The following KIF22 variants were observed in gnomAD, a reference collection of about 807,000 sequenced individuals.
KIF22 encodes the protein kinesin-like protein KIF22.
In KIF22, 62 loss-of-function variants were observed where a neutral mutation model predicts 73.0. That is an observed-to-expected ratio of 0.85 (90% confidence interval 0.69 to 1.05). The LOEUF (loss-of-function observed/expected upper bound fraction) is 1.05, where lower values mean the gene tolerates loss of function less well. Ranked by LOEUF, KIF22 falls within the 50% of genes least tolerant of loss-of-function variation. The pLI, the probability that KIF22 is intolerant of heterozygous loss-of-function variation, is 0.00. For missense variants in KIF22, 854 were observed against 870.1 expected (o/e 0.98, Z 0.23); for synonymous variants, 411 against 340.1 (o/e 1.21, Z -2.29).
Position 29,804,979 on chromosome 16 carries a change from GC to G in KIF22, c.1846del (p.Gln616SerfsTer2). 1 of 1,554,254 alleles carries G rather than the reference GC, an allele frequency of 6.4e-7. No homozygotes were observed. The highest frequency in any genetic ancestry group is 8.7e-7 in the Non-Finnish European group (1 of 1,144,600). On this transcript the variant is annotated frameshift_variant, in exon 12 of 14. Transcript: ENST00000160827. LOFTEE classifies it high-confidence loss of function. ...RSLQRIGPKK[A>X]QLIVGWRELH... ...TCTTCAGCGCATTGGCCCGAAGAAG[GC>G]CCAGCTAATCGTGGGCTGGCGGGAG... is the stretch of plus-strand genomic sequence containing the variant.
Position 29,799,274 on chromosome 16 carries a change from G to A in KIF22, c.770G>A (p.Arg257Gln), listed in dbSNP as rs765346261. ...TGTTCTTACCCCCAGGTGGACCAGC[G>A]GGAACGTTTGGCCCCATTTCGCCAG... ...HAVLLVKVDQRERLAPFRQRE... is the reference protein window; with the variant it reads ...HAVLLVKVDQQERLAPFRQRE... The change falls in exon 6 of 14, where the codon CGG (arginine) becomes CAG (glutamine). Residue 257 changes from arginine (R) to glutamine (Q), a missense_variant. Physicochemically the swap from Arg to Gln is conservative, Grantham distance 43 (BLOSUM62 1). Coordinates refer to ENST00000160827, the MANE Select transcript of KIF22 (RefSeq NM_007317.3). The A allele has an allele frequency of 1.6e-4, 263 of 1,613,650 alleles. 4 individuals are homozygous for A. The Middle Eastern group carries it at 2.6e-3, about 16-fold the overall frequency.
Position 29,800,012 on chromosome 16 carries a change from C to G in KIF22, c.1244C>G (p.Pro415Arg). 1.9e-6 allele frequency: 3 copies of G among 1,613,684 alleles called. No homozygotes were observed. The highest frequency in any genetic ancestry group is 2.5e-6 in the Non-Finnish European group (3 of 1,180,028). ...PEEEEIGSPE[P>R]MAAPASASQK... ...GAAGAGGAGATCGGGAGCCCTGAGCCCATGGCAGCTCCAGCCTCTGCCTCC... is the reference window on the plus strand; with the variant it reads ...GAAGAGGAGATCGGGAGCCCTGAGCGCATGGCAGCTCCAGCCTCTGCCTCC... The change falls in exon 8 of 14, where the codon CCC (proline) becomes CGC (arginine). Residue 415 changes from proline (P) to arginine (R), a missense_variant. Physicochemically the swap from Pro to Arg is moderately radical, Grantham distance 103. Transcript: ENST00000160827.
chr16:29,804,772 C>T, intron 11 of KIF22, 42 bp from the exon 12 acceptor site: 1 of 1,511,562 alleles, frequency 6.6e-7, no homozygotes, highest in Non-Finnish European at 9.0e-7. Flanking sequence ...GCCCAAAGCA[C>T]TTGGCTGCCC....
At chr16:29,794,190 A>G (rs1898892816) in intron 1 of KIF22, among the ~76,000 whole-genome samples, 1 of 152,192 alleles carries the variant, frequency 6.6e-6, no homozygotes, top group Admixed American at 6.5e-5. Context: ...AGCACTTTGG[A>G]GTTAGATCTT....
intron 11 of KIF22, chr16:29,804,593 T>G: frequency 1.4e-6 from 1 of 693,286 alleles, no homozygotes; most frequent in Non-Finnish European, 2.6e-6. Context: ...ATGAGAAGGG[T>G]GCTAATATTA....
chr16:29,794,587 CTTTT>C (rs1045911260), intron 1 of KIF22, among the ~76,000 whole-genome samples: 3 of 150,042 alleles, frequency 2.0e-5, no homozygotes, highest in Non-Finnish European at 4.5e-5. Context: ...TTTCAATTAT[CTTTT>C]TTTTTTCTGA....
At chr16:29,804,647 TAAG>T (rs1899285612) in intron 11 of KIF22, 164 bp from the exon 12 acceptor site, 1 of 704,420 alleles carries the variant, frequency 1.4e-6, no homozygotes, top group Non-Finnish European at 2.6e-6. Flanking sequence ...AGTTGCATAA[TAAG>T]AATTAACCCA....
In KIF22 at chr16:29,797,648, A is replaced by G. The variant is rs770299278; in HGVS notation, c.266+560A>G. 3.9e-5 allele frequency among the ~76,000 whole-genome samples: 6 copies of G among 152,218 alleles called. No individual in the cohort carries two copies. Among genetic ancestry groups the G allele is most frequent in the Non-Finnish European group, 7.3e-5 (5 of 68,034 alleles). On this transcript the variant is annotated intron_variant, in intron 2 of 13. Coordinates refer to ENST00000160827, the MANE Select transcript of KIF22 (RefSeq NM_007317.3). This position sits in a 1 kb window ranked among gnomAD's most constrained non-coding sequence, Gnocchi z 4.1. ...TATTGTCTATAGCTGCTTTCTGACT[A>G]CAGTGGCAGAGTTGAGTAGTTGTAA...
chr16:29,804,797 C>T lies in KIF22; in HGVS notation c.1678-17C>T, dbSNP rs1332582054. 2 of 1,582,722 alleles carry T rather than the reference C, an allele frequency of 1.3e-6. No homozygotes were observed. The highest frequency in any genetic ancestry group is 2.7e-5 in the African/African-American group (2 of 74,016). Reference sequence around the variant, plus strand: ...CTTGGCTGCCCTGCGTGTCACTCATCTCCCTTTGCCTCCCAGCTGGAGTCC... The same window carrying T: ...CTTGGCTGCCCTGCGTGTCACTCATTTCCCTTTGCCTCCCAGCTGGAGTCC... On this transcript the variant is annotated splice_polypyrimidine_tract_variant and intron_variant, in intron 11 of 13. Coordinates refer to ENST00000160827, the MANE Select transcript of KIF22 (RefSeq NM_007317.3).
chr16:29,799,617 C>T lies in KIF22; in HGVS notation c.991-11C>T, dbSNP rs1193578037. 2 of 1,613,880 alleles carry T rather than the reference C, an allele frequency of 1.2e-6. No homozygotes were observed. The highest frequency in any genetic ancestry group is 1.7e-5 in the Admixed American group (1 of 59,978). On this transcript the variant is annotated splice_polypyrimidine_tract_variant and intron_variant, in intron 6 of 13. Transcript: ENST00000160827. ...GCTTCTGACCCACCCACTGCCTGGT[C>T]TCACCCTCAGGACTCTCTGGGTGGC... is the stretch of plus-strand genomic sequence containing the variant.
In KIF22 at chr16:29,803,030, TAG is replaced by T. The variant is rs936639815; in HGVS notation, c.1449+96_1449+97del. The T allele has an allele frequency of 3.1e-6, 4 of 1,294,712 alleles. No individual in the cohort carries two copies. In the African/African-American group the frequency reaches 5.9e-5, roughly 19 times the overall value. The allele number at this position is 1,294,712 out of a possible 1,614,324, so 80.2% of individuals were successfully genotyped here. A position where few individuals can be genotyped will look rare whatever the true frequency, so the allele number is the denominator to read the frequency against. The stretch of plus-strand genomic sequence containing the variant: ...ACAGGGAAGGACACTCAGGCTGGAC[TAG>T]AGTCCAGTTTTCTCCCAATACCGGA... On this transcript the variant is annotated intron_variant, in intron 9 of 13. Transcript: ENST00000160827.
chr16:29,803,218 A>G (rs1470638862), intron 9 of KIF22, among the ~76,000 whole-genome samples: 2 of 152,232 alleles, frequency 1.3e-5, no homozygotes. Context: ...ACTGTGCTTG[A>G]AAAGCCTTTC....
Position 29,804,832 on chromosome 16 carries a change from C to CTA in KIF22, c.1697_1698dup (p.Glu567Ter). The stretch of plus-strand genomic sequence containing the variant: ...CTCCCAGCTGGAGTCCCTGGATGCC[C>CTA]TAGAGCCTGAGGAGAAGGCTGAGGA... On this transcript the variant is annotated frameshift_variant, in exon 12 of 14. Transcript: ENST00000160827. LOFTEE classifies it high-confidence loss of function. 1 of 1,611,626 alleles carries CTA rather than the reference C, an allele frequency of 6.2e-7. No individual in the cohort carries two copies. Among genetic ancestry groups the CTA allele is most frequent in the Non-Finnish European group, 8.5e-7 (1 of 1,179,040 alleles).
chr16:29,805,080 C>T, intron 12 of KIF22, 35 bp from the exon 13 acceptor site: 2 of 1,613,232 alleles, frequency 1.2e-6, no homozygotes, highest in Non-Finnish European at 1.7e-6. Flanking sequence ...CGGGTACCCC[C>T]GAGACCCTGT....
chr16:29,804,480 T>C (rs1056682427), intron 11 of KIF22: 4 of 645,216 alleles, frequency 6.2e-6, no homozygotes, highest in Non-Finnish European at 8.6e-6. Flanking sequence ...ATGTACTTTT[T>C]GAAAGACAGC....
In KIF22 at chr16:29,805,085, C is replaced by T. The variant is rs772682083; in HGVS notation, c.1891-30C>T. 32 of 1,612,932 alleles carry T rather than the reference C, an allele frequency of 2.0e-5. No individual in the cohort carries two copies. The East Asian group carries it at 7.1e-4, about 36-fold the overall frequency. ...CGGGGGAGACCGGGTACCCCCGAGA[C>T]CCTGTCCCCTATCGATCCTGTCCCG... On this transcript the variant is annotated intron_variant, in intron 12 of 13. Transcript: ENST00000160827.
intron 8 of KIF22, among the ~76,000 whole-genome samples, chr16:29,801,179 C>A (rs1392499115): frequency 6.6e-6 from 1 of 152,176 alleles, no homozygotes; most frequent in Non-Finnish European, 1.5e-5. Context: ...GTGTCACCTC[C>A]TGCCCCAACT....
At chr16:29,793,763 C>A (rs1898881650) in intron 1 of KIF22, among the ~76,000 whole-genome samples, 1 of 152,062 alleles carries the variant, frequency 6.6e-6, no homozygotes, top group African/African-American at 2.4e-5. Flanking sequence ...GTCAGTAGTG[C>A]TGAAGTTGAG....
Position 29,805,331 on chromosome 16 carries a change from C to T in KIF22, c.*21C>T. The stretch of plus-strand genomic sequence containing the variant: ...CCTGACCGTCGTCTCCTCACTCCGC[C>T]TTTTCAAATTTTTGTATAACCCCGT... On this transcript the variant is annotated 3_prime_UTR_variant, in exon 14 of 14. Coordinates refer to ENST00000160827, the MANE Select transcript of KIF22 (RefSeq NM_007317.3). 1 of 1,610,726 alleles carries T rather than the reference C, an allele frequency of 6.2e-7. No homozygotes were observed. Among genetic ancestry groups the T allele is most frequent in the Non-Finnish European group, 8.5e-7 (1 of 1,179,504 alleles).
Sources: gnomAD v4.1 joint callset for allele counts (sites outside exome capture counted in the v4.1 genomes callset) on GRCh38, gnomAD v4.1.1 for gene constraint, Gnocchi (gnomAD v3.1) non-coding constraint, MANE v1.5 for transcripts, NCBI Gene and HGNC (gene_info 2026-07-23, HGNC 2026-07-21) for gene names.